TNN: variants seen among roughly 807,000 people sequenced by gnomAD.
The protein encoded by TNN is tenascin-N.
In TNN, 122 loss-of-function variants were observed where a neutral mutation model predicts 134.4. The observed-to-expected ratio is 0.91, with a 90% CI of 0.78 to 1.06. The LOEUF (loss-of-function observed/expected upper bound fraction) is 1.06, where lower values mean the gene tolerates loss of function less well. TNN is among the 50% of genes least tolerant of loss of function. The pLI is 0.00. For missense variants in TNN, 1,739 were observed against 1,699.4 expected (o/e 1.02, Z -0.41); for synonymous variants, 710 against 670.3 (o/e 1.06, Z -0.91).
At position 175,118,607 on chromosome 1, in the gene TNN, T is replaced by A. The variant is rs1292025119; in HGVS notation, c.2433T>A (p.Asn811Lys). The change falls in exon 11 of 19, where the codon AAT becomes AAA. Residue 811 changes from asparagine (N) to lysine (K), a missense_variant. Asn to Lys is a moderately conservative substitution (Grantham distance 94, BLOSUM62 0). Transcript: ENST00000239462. The stretch of plus-strand genomic sequence containing the variant: ...TGGTCACTGACTGGGTGACAGAGAA[T>A]ACAGCCACTGTCTCCTGGGACCCGG... ...QNLVTDWVTE[N>K]TATVSWDPVQ... 1.9e-6 allele frequency: 3 copies of A among 1,614,050 alleles called. No homozygotes were observed. Among genetic ancestry groups the A allele is most frequent in the Non-Finnish European group, 2.5e-6 (3 of 1,179,992 alleles).
rs1039639685 is a variant in TNN at position 175,103,034 on chromosome 1, C to G, written c.2119+4439C>G. On this transcript the variant is annotated intron_variant, in intron 9 of 18. Coordinates refer to ENST00000239462, the MANE Select transcript of TNN (RefSeq NM_022093.2). ...GCCAGTGGGTTGATCCAGGGGTCCTCGGTAGAAGTTGTTAGTTGAACTCTT... is the reference window on the plus strand; with the variant it reads ...GCCAGTGGGTTGATCCAGGGGTCCTGGGTAGAAGTTGTTAGTTGAACTCTT... Among the ~76,000 whole-genome samples the G allele has an allele frequency of 7.5e-5, 11 of 146,052 alleles. 3 individuals carry two copies. Among genetic ancestry groups the G allele is most frequent in the Non-Finnish European group, 1.5e-4 (10 of 65,712 alleles).
intron 9 of TNN, among the ~76,000 whole-genome samples, chr1:175,116,245 G>A (rs751881129): frequency 4.6e-5 from 7 of 152,016 alleles, no homozygotes; most frequent in African/African-American, 7.3e-5. Flanking sequence ...GAAAATTGAG[G>A]CAGAGAGGTA....
At chr1:175,119,840 G>A (rs776818547) in intron 11 of TNN, among the ~76,000 whole-genome samples, 5 of 151,892 alleles carry the variant, frequency 3.3e-5, no homozygotes, top group African/African-American at 7.2e-5. Context: ...GGGTTTCACC[G>A]TGTTAGCCAG....
chr1:175,081,720 TG>T (rs1347470358), intron 4 of TNN, among the ~76,000 whole-genome samples: 1 of 152,168 alleles, frequency 6.6e-6, no homozygotes, highest in Non-Finnish European at 1.5e-5. Context: ...TGTTCTAGCA[TG>T]GGTGACTGCA....
chr1:175,125,647 CTCCT>C (rs201757700), intron 12 of TNN, among the ~76,000 whole-genome samples: 175 of 139,294 alleles, frequency 1.3e-3, no homozygotes, highest in African/African-American at 2.8e-3. Context: ...TTTTCTCTCT[CTCCT>C]TCCTTCCTTC....
At position 175,079,373 on chromosome 1, in the gene TNN, G is replaced by A. The variant is rs200205423; in HGVS notation, c.450G>A (p.Leu150=). Residue 150 remains leucine, a synonymous_variant, in exon 3 of 19, where the codon CTG becomes CTA. Coordinates refer to ENST00000239462, the MANE Select transcript of TNN (RefSeq NM_022093.2). ...RHCSGHGTFS[L]ETCSCHCEEG... ...GCAGCGGCCACGGGACCTTCTCCCTGGAGACCTGCAGCTGCCACTGCGAAG... is the reference window on the plus strand; with the variant it reads ...GCAGCGGCCACGGGACCTTCTCCCTAGAGACCTGCAGCTGCCACTGCGAAG... 2.1e-5 allele frequency: 34 copies of A among 1,599,128 alleles called. No individual in the cohort carries two copies. In the African/African-American group the frequency reaches 4.3e-4, roughly 20 times the overall value.
intron 1 of TNN, among the ~76,000 whole-genome samples, chr1:175,071,669 G>A (rs1384870522): frequency 6.6e-6 from 1 of 152,116 alleles, no homozygotes; most frequent in Non-Finnish European, 1.5e-5. Flanking sequence ...ACAGACGCAG[G>A]CAGTGGACAG....
rs143851746 is a variant in TNN at position 175,085,442 on chromosome 1, G to A, written c.1272G>A (p.Val424=). Residue 424 remains valine (V), a synonymous_variant, in exon 6 of 19, where the codon GTG becomes GTA. Coordinates refer to ENST00000239462, the MANE Select transcript of TNN (RefSeq NM_022093.2). ...GGACTGAGTATAAGATCACGGTGGT[G>A]CCCATGAGAGGAGAGCTGGAGGGCA... The part of the protein sequence containing the change: ...HPGTEYKITV[V]PMRGELEGKP... 3.3e-5 allele frequency: 53 copies of A among 1,613,060 alleles called. No individual in the cohort carries two copies. The African/African-American group carries it at 5.6e-4, about 17-fold the overall frequency.
rs960170300 is a variant in TNN, at chr1:175,105,363, G to A, written c.2119+6768G>A. Among the ~76,000 whole-genome samples the A allele has an allele frequency of 6.9e-5, 10 of 145,676 alleles. 1 individual carries two copies. The highest frequency in any genetic ancestry group is 2.3e-4 in the South Asian group (1 of 4,344). ...AGGGGACATAACCGATAGCCCGGGG[G>A]TTTTTGTGGACCTTTGGAGATTTCT... On this transcript the variant is annotated intron_variant, in intron 9 of 18. Coordinates refer to ENST00000239462, the MANE Select transcript of TNN (RefSeq NM_022093.2).
intron 1 of TNN, among the ~76,000 whole-genome samples, chr1:175,076,608 T>A (rs1292631478): frequency 6.6e-6 from 1 of 152,226 alleles, no homozygotes; most frequent in African/African-American, 2.4e-5. Flanking sequence ...GAAATTCTTA[T>A]GTTTTACTGG....
intron 5 of TNN, 44 bp from the exon 6 acceptor site, chr1:175,085,361 T>A (rs1001606037): frequency 8.0e-7 from 1 of 1,248,868 alleles, no homozygotes; most frequent in Non-Finnish European, 1.2e-6. Context: ...GGGAGAGGGG[T>A]CTGGAGCCTG....
intron 18 of TNN, 77 bp from the exon 19 acceptor site, chr1:175,146,854 T>C: frequency 3.1e-6 from 4 of 1,292,304 alleles, no homozygotes; most frequent in Non-Finnish European, 4.1e-6. Context: ...AATTAATTAA[T>C]TCCTTTGTAC....
At chr1:175,139,483 T>A (rs2101853107) in intron 17 of TNN, among the ~76,000 whole-genome samples, 1 of 152,350 alleles carries the variant, frequency 6.6e-6, no homozygotes, top group South Asian at 2.1e-4. Context: ...TATCACTGTC[T>A]TCCACCTCCG....
chr1:175,072,691 C>G (rs1365883392), intron 1 of TNN, among the ~76,000 whole-genome samples: 1 of 152,094 alleles, frequency 6.6e-6, no homozygotes, highest in East Asian at 1.9e-4. Flanking sequence ...TTGAGGATTT[C>G]CCTTGCTCTC....
Position 175,118,679 on chromosome 1 carries a change from C to T in TNN, c.2505C>T (p.Asn835=), listed in dbSNP as rs116355400. 0.028 allele frequency: 44,994 copies of T among 1,614,206 alleles called. 754 individuals carry two copies. The highest frequency in any genetic ancestry group is 0.033 in the Non-Finnish European group (39,436 of 1,180,042). The change falls in exon 11 of 19, where the codon AAC becomes AAT. Residue 835 remains asparagine (N), a synonymous_variant. Transcript: ENST00000239462. Reference sequence around the variant, plus strand: ...ATGTGGTGCACTACACGTCTGCCAACGGAGAGACCAGGGAGGTTCCAGTGG... The same window carrying T: ...ATGTGGTGCACTACACGTCTGCCAATGGAGAGACCAGGGAGGTTCCAGTGG... ...DRYVVHYTSA[N]GETREVPVGK...
Position 175,094,117 on chromosome 1 carries a change from C to G in TNN, c.1452C>G (p.Thr484=). The part of the protein sequence containing the change: ...VVRYTSADGD[T]KEMAVHKDES... ...GCTACACTTCTGCTGATGGGGACAC[C>G]AAGGAAATGGCAGTGCACAAGGATG... is the stretch of plus-strand genomic sequence containing the variant. The change falls in exon 7 of 19, where the codon ACC becomes ACG. Residue 484 remains threonine (T), a synonymous_variant. Coordinates refer to ENST00000239462, the MANE Select transcript of TNN (RefSeq NM_022093.2). The G allele has an allele frequency of 6.2e-7, 1 of 1,614,096 alleles. No individual in the cohort carries two copies. Among genetic ancestry groups the G allele is most frequent in the Non-Finnish European group, 8.5e-7 (1 of 1,180,024 alleles).
chr1:175,083,456 A>G (rs2149428337), intron 4 of TNN, among the ~76,000 whole-genome samples: 1 of 152,324 alleles, frequency 6.6e-6, no homozygotes, highest in South Asian at 2.1e-4. Flanking sequence ...CCTGAGAGGT[A>G]CAGTTTGGGC....
chr1:175,107,257 T>C (rs1280051019), intron 9 of TNN, among the ~76,000 whole-genome samples: 2 of 145,026 alleles, frequency 1.4e-5, no homozygotes, highest in African/African-American at 5.0e-5. Flanking sequence ...TTCTGGTGGG[T>C]TCGTGGTCTT....
At chr1:175,122,209 C>A (rs528544863) in intron 11 of TNN, among the ~76,000 whole-genome samples, 1 of 116,556 alleles carries the variant, frequency 8.6e-6, no homozygotes, top group South Asian at 2.7e-4. Flanking sequence ...TGGTGAAATC[C>A]TGTCTTTACA....
Sources: allele counts gnomAD v4.1 joint callset (sites outside exome capture counted in the v4.1 genomes callset), GRCh38; gene constraint gnomAD v4.1.1; transcripts MANE v1.5; gene names NCBI Gene and HGNC (gene_info 2026-07-23, HGNC 2026-07-21).